ICOS: variants seen among roughly 807,000 people sequenced by gnomAD.
The protein encoded by ICOS is inducible T-cell costimulator.
In ICOS, 15 loss-of-function variants were observed where a neutral mutation model predicts 24.6. The ratio of observed to expected loss-of-function variants is 0.61; its 90% CI spans 0.41 to 0.94. The LOEUF is 0.94. Ranked by LOEUF, ICOS falls within the 40% of genes least tolerant of loss-of-function variation. The probability of loss-of-function intolerance (pLI) is 0.00; values close to 1 mark genes in which losing one functional copy is unlikely to be tolerated. For synonymous variants in ICOS, 89 were observed against 77.5 expected (o/e 1.15, Z -0.78); for missense variants, 200 against 233.0 (o/e 0.86, Z 0.92).
Position 203,955,931 on chromosome 2 carries a change from T to C in ICOS, c.354T>C (p.Pro118=). 1 of 1,612,476 alleles carries C rather than the reference T, an allele frequency of 6.2e-7. No individual in the cohort carries two copies. The highest frequency in any genetic ancestry group is 8.5e-7 in the Non-Finnish European group (1 of 1,178,812). ...FCNLSIFDPP[P]FKVTLTGGYL... ...ACCTATCAATTTTTGATCCTCCTCC[T>C]TTTAAAGTAACTCTTACAGGAGGAT... The change falls in exon 2 of 5, where the codon CCT becomes CCC. Residue 118 remains proline (P), a synonymous_variant. Transcript: ENST00000316386.
chr2:203,957,761 A>C (rs765042951), intron 3 of ICOS, 38 bp from the exon 4 acceptor site: 1 of 1,454,116 alleles, frequency 6.9e-7, no homozygotes, highest in Non-Finnish European at 9.7e-7. Flanking sequence ...GATGGAGAAG[A>C]AAAGATGACC....
At chr2:203,940,449 T>G (rs1279193928) in intron 1 of ICOS, among the ~76,000 whole-genome samples, 1 of 152,150 alleles carries the variant, frequency 6.6e-6, no homozygotes, top group African/African-American at 2.4e-5. Context: ...TCAGAAGACT[T>G]CTCTTATTTT....
At chr2:203,939,604 A>G (rs1007266940) in intron 1 of ICOS, among the ~76,000 whole-genome samples, 19 of 152,162 alleles carry the variant, frequency 1.2e-4, no homozygotes, top group Admixed American at 2.0e-4. Flanking sequence ...ATAAACGTGC[A>G]TGTATTATGA....
intron 1 of ICOS, among the ~76,000 whole-genome samples, 155 bp from the exon 2 acceptor site, chr2:203,955,481 T>A (rs1387329308): frequency 6.6e-6 from 1 of 152,170 alleles, no homozygotes; most frequent in Non-Finnish European, 1.5e-5. Context: ...CTTATGTTCT[T>A]CCTTGAGGGG....
intron 1 of ICOS, among the ~76,000 whole-genome samples, chr2:203,946,728 C>T (rs1689876473): frequency 6.6e-6 from 1 of 152,096 alleles, no homozygotes; most frequent in Non-Finnish European, 1.5e-5. Flanking sequence ...CTAATATAAA[C>T]ATTGCAATTT....
At chr2:203,941,015 A>ACCT (rs1359768066) in intron 1 of ICOS, among the ~76,000 whole-genome samples, 1 of 151,508 alleles carries the variant, frequency 6.6e-6, no homozygotes. Context: ...CAATTTCCTG[A>ACCT]CCTCGTGATC....
At chr2:203,949,391 C>T (rs575517895) in intron 1 of ICOS, among the ~76,000 whole-genome samples, 26 of 152,294 alleles carry the variant, frequency 1.7e-4, no homozygotes, top group South Asian at 2.1e-4. Context: ...ATCTTTCATG[C>T]ACCCAGGAAG....
intron 4 of ICOS, among the ~76,000 whole-genome samples, chr2:203,958,781 C>G (rs869070006): frequency 1.4e-4 from 21 of 151,852 alleles, no homozygotes; most frequent in African/African-American, 1.9e-4. Context: ...CAGTTAATAC[C>G]TAGCTTTGAC....
intron 1 of ICOS, among the ~76,000 whole-genome samples, chr2:203,940,876 C>T (rs1371873182): frequency 6.6e-6 from 1 of 152,044 alleles, no homozygotes; most frequent in Non-Finnish European, 1.5e-5. Flanking sequence ...CTCCACCTCC[C>T]GGGTTGAAGC....
intron 1 of ICOS, among the ~76,000 whole-genome samples, chr2:203,953,701 A>G (rs1285915711): frequency 6.6e-6 from 1 of 152,232 alleles, no homozygotes; most frequent in African/African-American, 2.4e-5. Flanking sequence ...AAACATTTTG[A>G]CCAAATGTCA....
At chr2:203,953,894 CAT>C (rs1282272973) in intron 1 of ICOS, among the ~76,000 whole-genome samples, 1 of 151,984 alleles carries the variant, frequency 6.6e-6, no homozygotes, top group Non-Finnish European at 1.5e-5. Context: ...CACAAAATAA[CAT>C]GTTTGCTATA....
chr2:203,953,817 T>A (rs1268474904), intron 1 of ICOS, among the ~76,000 whole-genome samples: 1 of 152,142 alleles, frequency 6.6e-6, no homozygotes, highest in Admixed American at 6.5e-5. Context: ...AATAATATAG[T>A]CATTAAAAAG....
chr2:203,957,514 T>A (rs1004215425), intron 3 of ICOS, among the ~76,000 whole-genome samples: 1 of 152,116 alleles, frequency 6.6e-6, no homozygotes, highest in African/African-American at 2.4e-5. Context: ...GAGAGTGGAA[T>A]TTGGAAAGAG....
At chr2:203,941,356 A>G (rs1231866952) in intron 1 of ICOS, among the ~76,000 whole-genome samples, 1 of 151,766 alleles carries the variant, frequency 6.6e-6, no homozygotes, top group South Asian at 2.1e-4. Context: ...GATGAAATGG[A>G]TATTTCAGTT....
chr2:203,958,652 G>A (rs745351213), intron 4 of ICOS, among the ~76,000 whole-genome samples: 29 of 152,178 alleles, frequency 1.9e-4, no homozygotes, highest in African/African-American at 2.9e-4. Context: ...CATAGCTTGC[G>A]TTGTCATGGA....
chr2:203,943,368 T>C (rs893744535), intron 1 of ICOS, among the ~76,000 whole-genome samples: 27 of 152,274 alleles, frequency 1.8e-4, no homozygotes, highest in African/African-American at 6.3e-4. Flanking sequence ...TATCATACTT[T>C]CCCCTTTTCC....
chr2:203,942,799 T>C (rs1581600330), intron 1 of ICOS, among the ~76,000 whole-genome samples: 1 of 152,316 alleles, frequency 6.6e-6, no homozygotes, highest in East Asian at 1.9e-4. Flanking sequence ...TTGGACTAGA[T>C]TATTAGGTGA....
At chr2:203,939,599 C>T (rs890134209) in intron 1 of ICOS, among the ~76,000 whole-genome samples, 3 of 152,106 alleles carry the variant, frequency 2.0e-5, no homozygotes, top group African/African-American at 4.8e-5. Context: ...GTCTAATAAA[C>T]GTGCATGTAT....
intron 4 of ICOS, among the ~76,000 whole-genome samples, chr2:203,959,065 G>A (rs1690125296): frequency 6.6e-6 from 1 of 152,198 alleles, no homozygotes; most frequent in Non-Finnish European, 1.5e-5. Context: ...TTGGACCTCT[G>A]AGAAGTGTAC....
Sources: allele counts gnomAD v4.1 joint callset (sites outside exome capture counted in the v4.1 genomes callset), GRCh38; gene constraint gnomAD v4.1.1; transcripts MANE v1.5; gene names NCBI Gene and HGNC (gene_info 2026-07-23, HGNC 2026-07-21).